ADARB2: variants seen among roughly 807,000 people sequenced by gnomAD.
ADARB2 encodes inactive double-stranded RNA-specific editase B2.
A neutral mutation model predicts 62.2 loss-of-function variants in ADARB2; 25 were observed. The observed-to-expected ratio is 0.40, with a 90% CI of 0.29 to 0.56. ADARB2 has a LOEUF of 0.56. Ranked by LOEUF, ADARB2 falls within the 20% of genes least tolerant of loss-of-function variation. The pLI is 0.43. For synonymous variants in ADARB2, 572 were observed against 500.8 expected, an observed-to-expected ratio of 1.14 and a Z score of -1.90; for missense variants, 1,071 against 1,077.4, an observed-to-expected ratio of 0.99 and a Z score of 0.08.
chr10:1,233,356 A>T (rs1051393167), intron 6 of ADARB2, among the ~76,000 whole-genome samples: 1 of 152,150 alleles, frequency 6.6e-6, no homozygotes, highest in Non-Finnish European at 1.5e-5. Flanking sequence ...AGCCAGTGAG[A>T]ATTTGCTCCC....
At chr10:1,229,619 T>C (rs926204223) in intron 6 of ADARB2, among the ~76,000 whole-genome samples, 3 of 152,240 alleles carry the variant, frequency 2.0e-5, no homozygotes, top group African/African-American at 7.2e-5. Context: ...ATAGTTATAT[T>C]GATAGATCTG....
chr10:1,216,675 C>G (rs529442930), intron 7 of ADARB2: 172 of 493,638 alleles, frequency 3.5e-4, no homozygotes, highest in Admixed American at 1.1e-3. Context: ...GCAGCCACAG[C>G]CTGGGGTTGC....
intron 1 of ADARB2, among the ~76,000 whole-genome samples, chr10:1,460,148 A>T (rs1488724516): frequency 2.8e-4 from 10 of 35,788 alleles, no homozygotes; most frequent in African/African-American, 8.5e-4. Context: ...TTACCTGTGT[A>T]ACGAACCTGC....
At chr10:1,223,818 G>A (rs952129644) in intron 6 of ADARB2, among the ~76,000 whole-genome samples, 19 of 152,210 alleles carry the variant, frequency 1.2e-4, no homozygotes, top group African/African-American at 3.9e-4. Context: ...TGCTGGATTC[G>A]TTTTGCCCGT....
chr10:1,388,746 A>AT (rs1047893288), intron 1 of ADARB2, among the ~76,000 whole-genome samples: 3 of 152,172 alleles, frequency 2.0e-5, no homozygotes, highest in African/African-American at 7.2e-5. Context: ...AATGTATGCC[A>AT]TTTTCATAGA....
intron 6 of ADARB2, 109 bp downstream of exon 6, chr10:1,233,585 G>A: frequency 8.3e-7 from 1 of 1,203,406 alleles, no homozygotes; most frequent in African/African-American, 1.5e-5. Context: ...GTACCCAAGG[G>A]CCCCACACAC....
intron 1 of ADARB2, among the ~76,000 whole-genome samples, chr10:1,528,845 T>C (rs1832182197): frequency 1.3e-5 from 2 of 152,158 alleles, no homozygotes; most frequent in Admixed American, 1.3e-4. Flanking sequence ...ATTTTGAAAG[T>C]GTATTTACCC....
chr10:1,409,704 GGC>G (rs1832741075), intron 1 of ADARB2, among the ~76,000 whole-genome samples: 1 of 121,450 alleles, frequency 8.2e-6, no homozygotes, highest in Non-Finnish European at 1.9e-5. Flanking sequence ...GTGGTGCTGA[GGC>G]GTGGCTGTGG....
chr10:1,388,633 A>G (rs1832543681), intron 1 of ADARB2, among the ~76,000 whole-genome samples: 1 of 152,048 alleles, frequency 6.6e-6, no homozygotes, highest in African/African-American at 2.4e-5. Flanking sequence ...AAGGTATAAA[A>G]TACTTAGGTA....
At chr10:1,285,810 T>C (rs1018629498) in intron 3 of ADARB2, among the ~76,000 whole-genome samples, 1 of 152,180 alleles carries the variant, frequency 6.6e-6, no homozygotes, top group African/African-American at 2.4e-5. Flanking sequence ...CATGAATAAA[T>C]AAAATGTGCT....
intron 5 of ADARB2, among the ~76,000 whole-genome samples, chr10:1,241,120 G>A (rs898338089): frequency 3.3e-5 from 5 of 152,196 alleles, no homozygotes; most frequent in Admixed American, 6.5e-5. Flanking sequence ...TTAGCCAGGC[G>A]TGGTGGTGAA....
chr10:1,312,513 C>T (rs967023585), intron 3 of ADARB2, among the ~76,000 whole-genome samples: 2 of 152,232 alleles, frequency 1.3e-5, no homozygotes, highest in Non-Finnish European at 2.9e-5. Context: ...GACGTCTCTC[C>T]TGATTTCTCA....
intron 1 of ADARB2, among the ~76,000 whole-genome samples, chr10:1,473,809 G>A (rs959270884): frequency 1.3e-5 from 2 of 152,208 alleles, no homozygotes; most frequent in Non-Finnish European, 2.9e-5. Context: ...AGGGTTTTTG[G>A]GCAATTTGGG....
chr10:1,486,319 T>C (rs574532240), intron 1 of ADARB2, among the ~76,000 whole-genome samples: 1 of 152,172 alleles, frequency 6.6e-6, no homozygotes, highest in South Asian at 2.1e-4. Context: ...AGATGATAAA[T>C]AGAATTCTTA....
chr10:1,233,711 T>A lies in ADARB2; in HGVS notation c.1496A>T (p.Tyr499Phe). Residue 499 changes from tyrosine (Y) to phenylalanine (F), a missense_variant, in exon 6 of 10, where the codon TAC (tyrosine) becomes TTC (phenylalanine). Coordinates refer to ENST00000381312, the MANE Select transcript of ADARB2 (RefSeq NM_018702.4). The part of the protein sequence containing the change: ...PCGDARLHSP[Y>F]EITTDLHSSK... ...TCTCTTACGGTCTGTGGTGATCTCG[T>A]AGGGAGAGTGGAGTCTTGCGTCTCC... 1.2e-6 allele frequency: 2 copies of A among 1,612,466 alleles called. No individual in the cohort carries two copies. The highest frequency in any genetic ancestry group is 1.7e-6 in the Non-Finnish European group (2 of 1,179,372).
At chr10:1,458,778 A>G (rs944784993) in intron 1 of ADARB2, among the ~76,000 whole-genome samples, 1 of 152,244 alleles carries the variant, frequency 6.6e-6, no homozygotes, top group Non-Finnish European at 1.5e-5. Context: ...CCAGCAGCGA[A>G]CGTAGTTTTT....
At chr10:1,705,483 G>A (rs1390348689) in intron 1 of ADARB2, among the ~76,000 whole-genome samples, 1 of 152,238 alleles carries the variant, frequency 6.6e-6, no homozygotes, top group Admixed American at 6.5e-5. Flanking sequence ...GGGTGAGAAG[G>A]GCTGCAAGGC....
intron 1 of ADARB2, among the ~76,000 whole-genome samples, chr10:1,684,999 T>C (rs751328656): frequency 6.6e-6 from 1 of 152,022 alleles, no homozygotes; most frequent in Non-Finnish European, 1.5e-5. Flanking sequence ...GTGTGAGTTC[T>C]GAGTGTGGGT....
chr10:1,399,548 T>C (rs1274753507), intron 1 of ADARB2, among the ~76,000 whole-genome samples: 1 of 152,130 alleles, frequency 6.6e-6, no homozygotes, highest in Non-Finnish European at 1.5e-5. Context: ...CTGGGGTCCC[T>C]CTGCCTCTCA....
Sources: gnomAD v4.1 joint callset for allele counts (sites outside exome capture counted in the v4.1 genomes callset) on GRCh38, gnomAD v4.1.1 for gene constraint, MANE v1.5 for transcripts, NCBI Gene and HGNC (gene_info 2026-07-23, HGNC 2026-07-21) for gene names.